The following DLGAP2 variants were observed in gnomAD, a reference collection of about 807,000 sequenced individuals.
DLGAP2 encodes DLG associated protein 2.
In DLGAP2, 26 loss-of-function variants were observed where a neutral mutation model predicts 100.3. The ratio of observed to expected loss-of-function variants is 0.26; its 90% CI spans 0.19 to 0.36. The LOEUF (loss-of-function observed/expected upper bound fraction) is 0.36. Ranked by LOEUF, DLGAP2 falls within the 10% of genes least tolerant of loss-of-function variation. The probability of loss-of-function intolerance (pLI) is 1.00; values close to 1 mark genes in which losing one functional copy is unlikely to be tolerated. For synonymous variants in DLGAP2, 886 were observed against 630.1 expected, an observed-to-expected ratio of 1.41 and a Z score of -6.08; for missense variants, 1,858 against 1,453.2, an observed-to-expected ratio of 1.28 and a Z score of -4.53.
intron 8 of DLGAP2, among the ~76,000 whole-genome samples, chr8:1,639,360 C>G (rs752139618): frequency 6.6e-6 from 1 of 152,200 alleles, no homozygotes; most frequent in Non-Finnish European, 1.5e-5. Flanking sequence ...ACAGTGGGAA[C>G]AGAGGCTGTC....
chr8:844,455 C>T (rs962521832), intron 1 of DLGAP2, among the ~76,000 whole-genome samples: 1 of 151,888 alleles, frequency 6.6e-6, no homozygotes, highest in East Asian at 1.9e-4. Flanking sequence ...CTTCCTCACC[C>T]ATCAAGGATG....
At chr8:973,984 A>G (rs897851717) in intron 2 of DLGAP2, among the ~76,000 whole-genome samples, 4 of 151,956 alleles carry the variant, frequency 2.6e-5, no homozygotes, top group Admixed American at 6.5e-5. Flanking sequence ...GCCAGAAAAG[A>G]TTTTTTTAAA....
At chr8:1,178,492 A>C (rs1216578889) in intron 2 of DLGAP2, among the ~76,000 whole-genome samples, 3 of 152,182 alleles carry the variant, frequency 2.0e-5, no homozygotes, top group Non-Finnish European at 4.4e-5. Context: ...AAACAGCTGA[A>C]CATAAATATC....
At chr8:1,311,296 C>T (rs1362967076) in intron 3 of DLGAP2, among the ~76,000 whole-genome samples, 1 of 152,114 alleles carries the variant, frequency 6.6e-6, no homozygotes, top group Non-Finnish European at 1.5e-5. Flanking sequence ...AAAATAAATC[C>T]TTGGAAAGAA....
chr8:931,380 T>C (rs1798952795), intron 2 of DLGAP2, among the ~76,000 whole-genome samples: 2 of 152,196 alleles, frequency 1.3e-5, no homozygotes, highest in Admixed American at 1.3e-4. Context: ...GCGCTCTGCC[T>C]CTCCCGCCTC....
intron 2 of DLGAP2, among the ~76,000 whole-genome samples, chr8:1,041,620 C>T (rs1233150179): frequency 1.6e-5 from 2 of 124,384 alleles, no homozygotes; most frequent in African/African-American, 6.5e-5. Flanking sequence ...AGCCCCTTGC[C>T]GTGGGTGAGT....
intron 2 of DLGAP2, among the ~76,000 whole-genome samples, chr8:963,627 G>C (rs1248629309): frequency 6.6e-6 from 1 of 152,150 alleles, no homozygotes; most frequent in African/African-American, 2.4e-5. Context: ...AAAGGAAATT[G>C]AGACAGTAAA....
rs144345343 is a variant in DLGAP2, at chr8:1,703,688, T to C, written c.*2282T>C. The C allele has an allele frequency of 6.6e-6, 1 of 152,226 alleles. No individual in the cohort carries two copies. Among genetic ancestry groups the C allele is most frequent in the Non-Finnish European group, 1.5e-5 (1 of 68,040 alleles). 9.4% of individuals were successfully genotyped at this position (152,226 alleles called of 1,614,324 possible). A position where few individuals can be genotyped will look rare whatever the true frequency, so the allele number is the denominator to read the frequency against. ...AACATAGAAAAGCAAACTGTTAAAG[T>C]AGTCAATAATTATTTGTCTCAGATC... On this transcript the variant is annotated 3_prime_UTR_variant, in exon 15 of 15. Transcript: ENST00000637795.
At chr8:987,928 C>T (rs1385094811) in intron 2 of DLGAP2, among the ~76,000 whole-genome samples, 2 of 152,226 alleles carry the variant, frequency 1.3e-5, no homozygotes, top group African/African-American at 2.4e-5. Context: ...CAATATTCTC[C>T]GTATGTATTA....
chr8:1,575,532 A>G (rs1802931883), intron 6 of DLGAP2, among the ~76,000 whole-genome samples: 1 of 150,188 alleles, frequency 6.7e-6, no homozygotes, highest in Non-Finnish European at 1.5e-5. Context: ...GGTTTGCTAC[A>G]TATGTATACA....
intron 2 of DLGAP2, among the ~76,000 whole-genome samples, chr8:948,365 T>C (rs913694427): frequency 2.6e-5 from 4 of 152,054 alleles, no homozygotes; most frequent in Non-Finnish European, 5.9e-5. Flanking sequence ...AAAGAGGAAG[T>C]AAGACGTGAG....
intron 1 of DLGAP2, among the ~76,000 whole-genome samples, chr8:744,876 T>C (rs1443595522): frequency 6.6e-6 from 1 of 152,222 alleles, no homozygotes; most frequent in Admixed American, 6.5e-5. Context: ...AGTGAGGTCA[T>C]GCTCCCAGCC....
intron 3 of DLGAP2, among the ~76,000 whole-genome samples, chr8:1,316,958 A>C (rs1800769092): frequency 2.3e-5 from 2 of 88,340 alleles, no homozygotes; most frequent in Non-Finnish European, 4.7e-5. Context: ...GCAGCGTTTA[A>C]AAATAGAGCG....
rs56768807 is a variant in DLGAP2 at position 1,699,422 on chromosome 8, G to A, written c.2950-1766G>A. ...AGATCAAGATCATACTGGCTAACAC[G>A]GTGAAACCCTGTCTCTATTAAAAAT... On this transcript the variant is annotated intron_variant, in intron 14 of 14. Transcript: ENST00000637795. Among the ~76,000 whole-genome samples, 352 of 151,746 alleles carry A rather than the reference G, an allele frequency of 2.3e-3. No individual in the cohort carries two copies. The East Asian group carries it at 0.027, about 12-fold the overall frequency.
At chr8:933,223 C>G (rs959350679) in intron 2 of DLGAP2, among the ~76,000 whole-genome samples, 5 of 152,272 alleles carry the variant, frequency 3.3e-5, no homozygotes, top group Non-Finnish European at 4.4e-5. Flanking sequence ...TTTGCCACAT[C>G]TGCTGCTTCC....
intron 3 of DLGAP2, among the ~76,000 whole-genome samples, chr8:1,481,478 T>TC (rs199497896): frequency 0.029 from 3,814 of 131,236 alleles, 176 homozygotes; most frequent in African/African-American, 0.1. Context: ...TTTCTTTTTT[T>TC]TTTTTTTTTT....
intron 2 of DLGAP2, among the ~76,000 whole-genome samples, chr8:1,258,137 T>C (rs78096046): frequency 0.04 from 6,143 of 152,216 alleles, 409 homozygotes; most frequent in African/African-American, 0.14. Context: ...TACCCATGGA[T>C]TTTAGTGTTT....
chr8:1,099,884 C>A (rs1453113536), intron 2 of DLGAP2, among the ~76,000 whole-genome samples: 1 of 152,202 alleles, frequency 6.6e-6, no homozygotes, highest in Non-Finnish European at 1.5e-5. Flanking sequence ...AATGGAAACA[C>A]GTCCCTTCTA....
chr8:1,152,994 T>C (rs1484327051), intron 2 of DLGAP2, among the ~76,000 whole-genome samples: 1 of 152,248 alleles, frequency 6.6e-6, no homozygotes, highest in Non-Finnish European at 1.5e-5. Context: ...CAAGCTATTC[T>C]GTAGAAATTT....
Sources: gnomAD v4.1 joint callset for allele counts (sites outside exome capture counted in the v4.1 genomes callset) on GRCh38, gnomAD v4.1.1 for gene constraint, MANE v1.5 for transcripts, NCBI Gene and HGNC (gene_info 2026-07-23, HGNC 2026-07-21) for gene names.